Variants in PAK1 observed in about 807,000 individuals in gnomAD.
PAK1 encodes the protein p21 (RAC1) activated kinase 1, also known as serine/threonine-protein kinase PAK 1.
Under a neutral mutation model 67.4 loss-of-function variants are expected in PAK1, and 29 were observed. The ratio of observed to expected loss-of-function variants is 0.43; its 90% CI spans 0.32 to 0.59. The LOEUF (loss-of-function observed/expected upper bound fraction) is 0.59, where lower values mean the gene tolerates loss of function less well. Among genes scored for constraint, PAK1 ranks in the 20% least tolerant of loss-of-function variants. The probability of loss-of-function intolerance (pLI) is 0.07; values close to 1 mark genes in which losing one functional copy is unlikely to be tolerated. For synonymous variants in PAK1, 223 were observed against 237.4 expected (o/e 0.94, Z 0.56); for missense variants, 337 against 670.7 (o/e 0.50, Z 5.50).
chr11:77,518,374 G>A, the PAK1 span, among the ~76,000 whole-genome samples: 1 of 152,170 alleles, frequency 6.6e-6, no homozygotes, highest in Admixed American at 6.5e-5. Context: ...ACTTGCCCCA[G>A]GTTCTAGAGA....
intron 1 of PAK1, among the ~76,000 whole-genome samples, chr11:77,470,950 G>T (rs774129630): frequency 1.3e-5 from 2 of 152,130 alleles, no homozygotes; most frequent in Non-Finnish European, 2.9e-5. Context: ...CCCCAAAAAT[G>T]TTAGGATCCC....
intron 1 of PAK1, among the ~76,000 whole-genome samples, chr11:77,467,790 T>C (rs952345722): frequency 6.6e-6 from 1 of 152,236 alleles, no homozygotes; most frequent in Non-Finnish European, 1.5e-5. Context: ...AAGTTAGGTA[T>C]TATTTCTTTC....
intron 1 of PAK1, among the ~76,000 whole-genome samples, chr11:77,473,015 T>G (rs1232136897): frequency 2.0e-5 from 3 of 152,156 alleles, no homozygotes; most frequent in African/African-American, 7.2e-5. Flanking sequence ...CTTCCCAAGT[T>G]ACAGAATATT....
chr11:77,481,375 C>A, the PAK1 span, among the ~76,000 whole-genome samples: 1 of 152,124 alleles, frequency 6.6e-6, no homozygotes, highest in Non-Finnish European at 1.5e-5. Context: ...TGATTTGTGT[C>A]TTTTAACATT....
chr11:77,474,708 A>G (rs1958030141), upstream of PAK1: 1 of 152,166 alleles, frequency 6.6e-6, no homozygotes, highest in African/African-American at 2.4e-5. Context: ...AAGACAAAGA[A>G]ATTATAACGG....
the PAK1 span, among the ~76,000 whole-genome samples, chr11:77,480,789 G>T: frequency 6.6e-6 from 1 of 152,140 alleles, no homozygotes; most frequent in African/African-American, 2.4e-5. Context: ...CTCCCAAAGT[G>T]CTGGGATTAC....
chr11:77,515,000 G>C, the PAK1 span: 1 of 152,184 alleles, frequency 6.6e-6, no homozygotes, highest in Non-Finnish European at 1.5e-5. Flanking sequence ...TATGAGAAAA[G>C]TCCTTCTAAT....
Position 77,438,559 on chromosome 11 carries a change from T to C in PAK1, c.-22+34993A>G, listed in dbSNP as rs2725818. On this transcript the variant is annotated intron_variant, in intron 1 of 14. Coordinates refer to ENST00000356341, the MANE Select transcript of PAK1 (RefSeq NM_002576.5). ...ACAACTTGATATTTTTAGACTGAAATCTGTGTAATTTTAACTAATGCTGTT... is the reference window on the plus strand; with the variant it reads ...ACAACTTGATATTTTTAGACTGAAACCTGTGTAATTTTAACTAATGCTGTT... 2.5e-3 allele frequency among the ~76,000 whole-genome samples: 374 copies of C among 152,330 alleles called. 2 individuals are homozygous for C. The highest frequency in any genetic ancestry group is 2.5e-3 in the Non-Finnish European group (171 of 68,026).
At chr11:77,334,014 C>T (rs1942212884) in intron 13 of PAK1, among the ~76,000 whole-genome samples, 1 of 151,176 alleles carries the variant, frequency 6.6e-6, no homozygotes, top group Non-Finnish European at 1.5e-5. Flanking sequence ...ACTAAAAATA[C>T]AAAACTTAGC....
intron 1 of PAK1, among the ~76,000 whole-genome samples, chr11:77,423,344 A>C (rs1477142092): frequency 6.6e-6 from 1 of 151,574 alleles, no homozygotes; most frequent in Non-Finnish European, 1.5e-5. Context: ...AAAAAAAAAA[A>C]AACAGAATAA....
intron 1 of PAK1, among the ~76,000 whole-genome samples, chr11:77,429,502 A>G (rs1955760843): frequency 6.6e-6 from 1 of 152,228 alleles, no homozygotes; most frequent in Non-Finnish European, 1.5e-5. Flanking sequence ...TAGTCATGGG[A>G]CAAACCAAAA....
At chr11:77,491,962 A>G in the PAK1 span, among the ~76,000 whole-genome samples, 3 of 152,234 alleles carry the variant, frequency 2.0e-5, no homozygotes, top group African/African-American at 7.2e-5. Flanking sequence ...ATCTATAAAG[A>G]CACACATACA....
chr11:77,349,229 G>A lies in PAK1; in HGVS notation c.885+10C>T, dbSNP rs1251200218. 2 of 1,580,538 alleles carry A rather than the reference G, an allele frequency of 1.3e-6. No individual in the cohort carries two copies. Among genetic ancestry groups the A allele is most frequent in the Non-Finnish European group, 1.7e-6 (2 of 1,157,374 alleles). The stretch of plus-strand genomic sequence containing the variant: ...AACTAAAGGAGCAACAGTGGGTGGT[G>A]GATACTCACCTCCTGTCCTGTGGCC... On this transcript the variant is annotated intron_variant, in intron 9 of 14. Transcript: ENST00000356341.
chr11:77,374,204 T>TA, intron 5 of PAK1, 124 bp downstream of exon 5: 2 of 517,422 alleles, frequency 3.9e-6, no homozygotes, highest in Admixed American at 6.5e-5. Context: ...ATAGGAATTC[T>TA]GAGGCCAAGG....
intron 1 of PAK1, among the ~76,000 whole-genome samples, chr11:77,463,973 A>G (rs1957480310): frequency 6.6e-6 from 1 of 152,250 alleles, no homozygotes; most frequent in Admixed American, 6.5e-5. Context: ...AAAGAGGTGA[A>G]ATTAATTTTA....
intron 1 of PAK1, among the ~76,000 whole-genome samples, chr11:77,442,733 A>G (rs1321232592): frequency 6.6e-6 from 1 of 152,194 alleles, no homozygotes; most frequent in Non-Finnish European, 1.5e-5. Context: ...TAATTTGTCT[A>G]CACAACAATA....
At chr11:77,435,727 C>T (rs1002592221) in intron 1 of PAK1, among the ~76,000 whole-genome samples, 18 of 132,214 alleles carry the variant, frequency 1.4e-4, no homozygotes, top group Non-Finnish European at 1.1e-4. Flanking sequence ...CCAGGATGGT[C>T]TCAATCTCCT....
the PAK1 span, among the ~76,000 whole-genome samples, chr11:77,481,245 T>A: frequency 6.6e-6 from 1 of 152,224 alleles, no homozygotes; most frequent in East Asian, 1.9e-4. Context: ...AAGTTAATGA[T>A]CCATCAACTT....
intron 1 of PAK1, among the ~76,000 whole-genome samples, chr11:77,401,309 C>G (rs1377878939): frequency 6.6e-6 from 1 of 152,074 alleles, no homozygotes; most frequent in African/African-American, 2.4e-5. Context: ...CAAAGATACT[C>G]CCACTATGCA....
Sources: allele counts gnomAD v4.1 joint callset (sites outside exome capture counted in the v4.1 genomes callset), GRCh38; gene constraint gnomAD v4.1.1; transcripts MANE v1.5; gene names NCBI Gene and HGNC (gene_info 2026-07-23, HGNC 2026-07-21).